The following ME1 variants were observed in gnomAD, a reference collection of about 807,000 sequenced individuals.
ME1 encodes the protein NADP-dependent malic enzyme.
In ME1, 74 loss-of-function variants were observed where a neutral mutation model predicts 66.4. The observed-to-expected ratio is 1.11, with a 90% CI of 0.92 to 1.35. The LOEUF (loss-of-function observed/expected upper bound fraction) is 1.35. Among genes scored for constraint, ME1 ranks in the 40% most tolerant of loss-of-function variants. The pLI, the probability that ME1 is intolerant of heterozygous loss-of-function variation, is 0.00. For synonymous variants in ME1, 251 were observed against 235.6 expected, an observed-to-expected ratio of 1.07 and a Z score of -0.60; for missense variants, 750 against 694.1, an observed-to-expected ratio of 1.08 and a Z score of -0.90.
At chr6:83,418,370 G>A (rs1770201779) in intron 1 of ME1, among the ~76,000 whole-genome samples, 1 of 152,036 alleles carries the variant, frequency 6.6e-6, no homozygotes, top group Non-Finnish European at 1.5e-5. Context: ...CCCAGGAAGA[G>A]CCCACATTTT....
intron 3 of ME1, among the ~76,000 whole-genome samples, chr6:83,389,072 T>C (rs1005833126): frequency 3.3e-5 from 5 of 152,186 alleles, no homozygotes; most frequent in African/African-American, 1.2e-4. Flanking sequence ...TGAGCAGAGA[T>C]TATGCCACTA....
At position 83,354,954 on chromosome 6, in the gene ME1, A is replaced by T. The variant is rs183862824; in HGVS notation, c.363-2815T>A. On this transcript the variant is annotated intron_variant, in intron 3 of 13. Coordinates refer to ENST00000369705, the MANE Select transcript of ME1 (RefSeq NM_002395.6). ...TCATTAAGTAACCCAAAATTACGTC[A>T]GTGCTATAGGAAGATTACTGATGAC... 2.0e-4 allele frequency among the ~76,000 whole-genome samples: 30 copies of T among 152,352 alleles called. No homozygotes were observed. The East Asian group carries it at 5.0e-3, about 25-fold the overall frequency.
intron 3 of ME1, among the ~76,000 whole-genome samples, chr6:83,367,231 A>G (rs1769115409): frequency 6.6e-6 from 1 of 152,200 alleles, no homozygotes; most frequent in South Asian, 2.1e-4. Context: ...TGCTGTAAAC[A>G]GATGTGCTGT....
At chr6:83,342,295 T>A (rs1179359223) in intron 5 of ME1, among the ~76,000 whole-genome samples, 1 of 152,206 alleles carries the variant, frequency 6.6e-6, no homozygotes, top group Non-Finnish European at 1.5e-5. Context: ...TCTTCTTTTC[T>A]TGCTTTATTC....
At chr6:83,425,745 C>T (rs967192319) in intron 1 of ME1, among the ~76,000 whole-genome samples, 1 of 152,172 alleles carries the variant, frequency 6.6e-6, no homozygotes, top group Non-Finnish European at 1.5e-5. Flanking sequence ...TCTTACTCAA[C>T]CATTACCTGA....
intron 3 of ME1, among the ~76,000 whole-genome samples, chr6:83,385,090 A>T (rs1300244486): frequency 6.6e-6 from 1 of 151,902 alleles, no homozygotes; most frequent in Non-Finnish European, 1.5e-5. Flanking sequence ...TATTTCCACC[A>T]ACTGTTTCTC....
rs750025003 is a variant in ME1 at position 83,211,898 on chromosome 6, T to C, written c.*26A>G. ...ATGAAAGGTTTAAAGACCTCATTAATAGAGTTAGAAATGTTTGCTATTATC... is the reference window on the plus strand; with the variant it reads ...ATGAAAGGTTTAAAGACCTCATTAACAGAGTTAGAAATGTTTGCTATTATC... On this transcript the variant is annotated 3_prime_UTR_variant, in exon 14 of 14. Transcript: ENST00000369705. 125 of 1,490,846 alleles carry C rather than the reference T, an allele frequency of 8.4e-5. No homozygotes were observed. The highest frequency in any genetic ancestry group is 2.1e-5 in the Non-Finnish European group (23 of 1,109,690). 92.4% of individuals were successfully genotyped at this position (1,490,846 alleles called of 1,614,324 possible).
intron 5 of ME1, among the ~76,000 whole-genome samples, chr6:83,321,096 T>C (rs896825682): frequency 6.6e-6 from 1 of 152,168 alleles, no homozygotes; most frequent in Non-Finnish European, 1.5e-5. Context: ...TGAGGGACCC[T>C]GCCCTGAGCG....
chr6:83,244,855 G>A (rs898172480), intron 7 of ME1, among the ~76,000 whole-genome samples: 1 of 151,882 alleles, frequency 6.6e-6, no homozygotes, highest in East Asian at 1.9e-4. Context: ...CACATTGACA[G>A]AGAAAAAATT....
At chr6:83,231,438 AG>A (rs1790305548) in intron 9 of ME1, among the ~76,000 whole-genome samples, 1 of 152,326 alleles carries the variant, frequency 6.6e-6, no homozygotes, top group Non-Finnish European at 1.5e-5. Flanking sequence ...GCAATACTGA[AG>A]GTCTTACTTG....
At chr6:83,287,616 G>A (rs1176415993) in intron 6 of ME1, among the ~76,000 whole-genome samples, 2 of 152,064 alleles carry the variant, frequency 1.3e-5, no homozygotes, top group Non-Finnish European at 2.9e-5. Context: ...ATAAACATAC[G>A]TGTGCATGTG....
intron 11 of ME1, among the ~76,000 whole-genome samples, chr6:83,225,077 C>G (rs889473283): frequency 7.9e-5 from 12 of 151,714 alleles, no homozygotes; most frequent in Non-Finnish European, 1.5e-4. Flanking sequence ...TGGTGGGCAC[C>G]TGTAATCCCA....
chr6:83,333,285 T>G (rs1768451912), intron 5 of ME1, among the ~76,000 whole-genome samples: 1 of 152,170 alleles, frequency 6.6e-6, no homozygotes, highest in Non-Finnish European at 1.5e-5. Context: ...CAATTAAGAT[T>G]AAAAATTAGT....
intron 6 of ME1, among the ~76,000 whole-genome samples, chr6:83,274,757 G>T (rs1767145605): frequency 6.6e-6 from 1 of 152,170 alleles, no homozygotes; most frequent in Non-Finnish European, 1.5e-5. Flanking sequence ...AGATGTGCTT[G>T]CTGCTATTTA....
At chr6:83,422,061 T>C (rs897532337) in intron 1 of ME1, among the ~76,000 whole-genome samples, 1 of 152,042 alleles carries the variant, frequency 6.6e-6, no homozygotes, top group African/African-American at 2.4e-5. Flanking sequence ...ACAAAAAATA[T>C]CAGAGATCAC....
chr6:83,371,650 T>G lies in ME1; in HGVS notation c.363-19511A>C, dbSNP rs1409917445. On this transcript the variant is annotated intron_variant, in intron 3 of 13. Transcript: ENST00000369705. ...TATGAGGCAGTTTTCCAAAGAATTT[T>G]CCAGGGGAGGTTGCTACTGCTGGGT... Among the ~76,000 whole-genome samples the G allele has an allele frequency of 3.3e-5, 5 of 152,168 alleles. No individual in the cohort carries two copies. In the East Asian group the frequency reaches 9.6e-4, roughly 29 times the overall value.
intron 1 of ME1, among the ~76,000 whole-genome samples, chr6:83,417,342 C>T (rs1006289132): frequency 2.6e-5 from 4 of 151,034 alleles, no homozygotes; most frequent in Admixed American, 1.3e-4. Flanking sequence ...AGCCACTGTG[C>T]CTAACTAACA....
intron 5 of ME1, among the ~76,000 whole-genome samples, chr6:83,342,914 C>A (rs1768616407): frequency 6.6e-6 from 1 of 152,132 alleles, no homozygotes; most frequent in Non-Finnish European, 1.5e-5. Flanking sequence ...AAACTCTCAA[C>A]CTCAGGTGAT....
intron 6 of ME1, among the ~76,000 whole-genome samples, chr6:83,300,665 A>C (rs959884249): frequency 4.9e-5 from 7 of 143,272 alleles, no homozygotes; most frequent in Non-Finnish European, 1.0e-4. Flanking sequence ...TAGAACTAGA[A>C]ATACCATTTG....
Sources: gnomAD v4.1 joint callset for allele counts (sites outside exome capture counted in the v4.1 genomes callset) on GRCh38, gnomAD v4.1.1 for gene constraint, MANE v1.5 for transcripts, NCBI Gene and HGNC (gene_info 2026-07-23, HGNC 2026-07-21) for gene names.